Variants in SEMA5A observed in about 807,000 individuals in gnomAD.
SEMA5A encodes the protein semaphorin 5A.
SEMA5A carries 55 observed loss-of-function variants against 135.5 expected under a neutral mutation model. The ratio of observed to expected loss-of-function variants is 0.41; its 90% CI spans 0.33 to 0.51. SEMA5A has a LOEUF of 0.51. Ranked by LOEUF, SEMA5A falls within the 20% of genes least tolerant of loss-of-function variation. SEMA5A has a pLI of 0.37. For missense variants in SEMA5A, 1,290 were observed against 1,419.9 expected (o/e 0.91, Z 1.47); for synonymous variants, 580 against 546.5 (o/e 1.06, Z -0.85).
At chr5:9,112,353 C>A (rs1740287692) in intron 15 of SEMA5A, among the ~76,000 whole-genome samples, 1 of 152,122 alleles carries the variant, frequency 6.6e-6, no homozygotes, top group South Asian at 2.1e-4. Context: ...TTATAAAATG[C>A]ATAAATTATG....
intron 1 of SEMA5A, among the ~76,000 whole-genome samples, chr5:9,457,416 T>C (rs1301704919): frequency 6.6e-6 from 1 of 152,238 alleles, no homozygotes; most frequent in African/African-American, 2.4e-5. Flanking sequence ...GCAACCAGGT[T>C]GCAAGTAAAT....
chr5:9,388,666 G>A (rs918169535), intron 2 of SEMA5A, among the ~76,000 whole-genome samples: 6 of 152,062 alleles, frequency 3.9e-5, no homozygotes, highest in Non-Finnish European at 7.4e-5. Context: ...TTGGGAGGCC[G>A]AGGTGGGCGG....
chr5:9,052,041 GA>G lies in SEMA5A; in HGVS notation c.2690-14del, dbSNP rs1432519468. 6 of 1,568,170 alleles carry G rather than the reference GA, an allele frequency of 3.8e-6. No individual in the cohort carries two copies. The highest frequency in any genetic ancestry group is 1.2e-5 in the South Asian group (1 of 85,036). On this transcript the variant is annotated splice_polypyrimidine_tract_variant and intron_variant, in intron 19 of 22. Transcript: ENST00000382496. The stretch of plus-strand genomic sequence containing the variant: ...TCCGACCAGCTCTCTGCAGAGACCA[GA>G]AAAGGGGAGATGGGGCGGAATGGCC...
At chr5:9,365,858 A>G (rs1295817886) in intron 3 of SEMA5A, among the ~76,000 whole-genome samples, 1 of 152,174 alleles carries the variant, frequency 6.6e-6, no homozygotes, top group Non-Finnish European at 1.5e-5. Flanking sequence ...CAGCCATCCT[A>G]ACATGAAATA....
At chr5:9,183,698 C>T (rs185862718) in intron 11 of SEMA5A, among the ~76,000 whole-genome samples, 9 of 152,314 alleles carry the variant, frequency 5.9e-5, no homozygotes, top group African/African-American at 1.7e-4. Flanking sequence ...CCTTGGCTCA[C>T]GTGACACCTT....
chr5:9,538,958 T>C (rs1333723756), intron 1 of SEMA5A, among the ~76,000 whole-genome samples: 1 of 152,232 alleles, frequency 6.6e-6, no homozygotes. Flanking sequence ...AAAAGTTTTA[T>C]TGAGGTATAT....
chr5:9,085,301 A>G (rs574863081), intron 16 of SEMA5A, among the ~76,000 whole-genome samples: 1 of 152,324 alleles, frequency 6.6e-6, no homozygotes, highest in East Asian at 1.9e-4. Context: ...CAATGGGGGA[A>G]GTGTCTCCAG....
chr5:9,464,790 G>A (rs1759192994), intron 1 of SEMA5A, among the ~76,000 whole-genome samples: 1 of 152,202 alleles, frequency 6.6e-6, no homozygotes, highest in South Asian at 2.1e-4. Context: ...ATTGCTCGCT[G>A]TGTGGTCATC....
intron 1 of SEMA5A, among the ~76,000 whole-genome samples, chr5:9,544,586 A>C (rs116044135): frequency 7.0e-6 from 1 of 143,716 alleles, no homozygotes; most frequent in African/African-American, 2.6e-5. Flanking sequence ...ACTCCCGCCC[A>C]CTCGCCCAGG....
intron 5 of SEMA5A, among the ~76,000 whole-genome samples, chr5:9,288,760 G>A (rs1049386676): frequency 6.6e-6 from 1 of 152,094 alleles, no homozygotes; most frequent in Non-Finnish European, 1.5e-5. Flanking sequence ...ATAATGAAGT[G>A]GCTGGAACCA....
At chr5:9,398,043 A>G (rs1756479660) in intron 2 of SEMA5A, among the ~76,000 whole-genome samples, 1 of 152,236 alleles carries the variant, frequency 6.6e-6, no homozygotes, top group South Asian at 2.1e-4. Flanking sequence ...AGAGAAAAAT[A>G]AAATAGAGTG....
chr5:9,354,065 C>A (rs1280923504), intron 3 of SEMA5A, among the ~76,000 whole-genome samples: 1 of 152,124 alleles, frequency 6.6e-6, no homozygotes, highest in Non-Finnish European at 1.5e-5. Flanking sequence ...CCCAGCAACC[C>A]CCAGAGAGCT....
At chr5:9,499,396 T>C (rs534161822) in intron 1 of SEMA5A, among the ~76,000 whole-genome samples, 1 of 152,314 alleles carries the variant, frequency 6.6e-6, no homozygotes, top group Non-Finnish European at 1.5e-5. Context: ...GTGTATTTGC[T>C]AATGAATGCA....
chr5:9,207,767 A>T (rs1261681428), intron 8 of SEMA5A, among the ~76,000 whole-genome samples: 1 of 152,146 alleles, frequency 6.6e-6, no homozygotes, highest in African/African-American at 2.4e-5. Flanking sequence ...CGGATAACTT[A>T]AAATTAAATT....
intron 1 of SEMA5A, among the ~76,000 whole-genome samples, chr5:9,531,574 T>C (rs1737441141): frequency 6.6e-6 from 1 of 152,192 alleles, no homozygotes; most frequent in Non-Finnish European, 1.5e-5. Context: ...TCTCCTGCTG[T>C]CACTGCAATT....
rs1228294894 is a variant in SEMA5A, at chr5:9,108,146, G to T, written c.2067C>A (p.Cys689Ter). The T allele has an allele frequency of 6.2e-7, 1 of 1,613,746 alleles. No homozygotes were observed. The highest frequency in any genetic ancestry group is 1.7e-5 in the Admixed American group (1 of 59,950). ...ICENGPDCAG[C>*]NVEYQSCNTN... ...TGAGAAGAAGGCTACTCACCACATT[G>T]CAGCCTGCACAGTCAGGCCCATTCT... The change falls in exon 16 of 23, where the codon TGC (cysteine) becomes TGA (stop). Residue 689 changes from cysteine to a stop codon, truncating the protein, a stop_gained. Coordinates refer to ENST00000382496, the MANE Select transcript of SEMA5A (RefSeq NM_003966.3). LOFTEE classifies it high-confidence loss of function.
At chr5:9,393,049 A>G (rs1334918966) in intron 2 of SEMA5A, among the ~76,000 whole-genome samples, 2 of 152,220 alleles carry the variant, frequency 1.3e-5, no homozygotes, top group African/African-American at 4.8e-5. Flanking sequence ...AAAATCTCAC[A>G]TGCTGTGAAC....
intron 1 of SEMA5A, among the ~76,000 whole-genome samples, chr5:9,518,925 T>A (rs1279300884): frequency 2.6e-5 from 4 of 151,192 alleles, no homozygotes; most frequent in Admixed American, 6.6e-5. Context: ...GAGCAGAAAA[T>A]TTTTTTTTAA....
At chr5:9,495,904 G>T (rs1735277712) in intron 1 of SEMA5A, among the ~76,000 whole-genome samples, 1 of 151,932 alleles carries the variant, frequency 6.6e-6, no homozygotes, top group Non-Finnish European at 1.5e-5. Context: ...ATACTCATTG[G>T]TTTACTCATT....
Sources: gnomAD v4.1 joint callset for allele counts (sites outside exome capture counted in the v4.1 genomes callset) on GRCh38, gnomAD v4.1.1 for gene constraint, MANE v1.5 for transcripts, NCBI Gene and HGNC (gene_info 2026-07-23, HGNC 2026-07-21) for gene names.